The following FRMD4A variants were observed in gnomAD, a reference collection of about 807,000 sequenced individuals.
FRMD4A encodes FERM domain-containing protein 4A.
Under a neutral mutation model 129.1 loss-of-function variants are expected in FRMD4A, and 29 were observed. That is an observed-to-expected ratio of 0.22 (90% CI 0.17 to 0.31). The LOEUF (loss-of-function observed/expected upper bound fraction) is 0.31. Among genes scored for constraint, FRMD4A ranks in the 10% least tolerant of loss-of-function variants. The pLI is 1.00. For synonymous variants in FRMD4A, 634 were observed against 571.6 expected (o/e 1.11, Z -1.56); for missense variants, 1,272 against 1,375.8 (o/e 0.92, Z 1.19).
chr10:13,950,566 G>C (rs1012035877), intron 2 of FRMD4A, among the ~76,000 whole-genome samples: 1 of 152,172 alleles, frequency 6.6e-6, no homozygotes, highest in Non-Finnish European at 1.5e-5. Context: ...AACAGAAGGA[G>C]CAAGTGAGGT....
chr10:14,244,435 T>C (rs1844161293), intron 2 of FRMD4A, among the ~76,000 whole-genome samples: 1 of 152,230 alleles, frequency 6.6e-6, no homozygotes, highest in African/African-American at 2.4e-5. Context: ...ATCCCAGCAA[T>C]CTATGCGGAT....
intron 4 of FRMD4A, among the ~76,000 whole-genome samples, chr10:13,798,184 G>A (rs2093164930): frequency 6.6e-6 from 1 of 151,598 alleles, no homozygotes; most frequent in Non-Finnish European, 1.5e-5. Context: ...GCGAAGGCGA[G>A]CGGATCACTT....
Position 13,644,657 on chromosome 10 carries a change from C to T in FRMD4A, c.*2381G>A, listed in dbSNP as rs1044478912. 6.6e-6 allele frequency: 1 copy of T among 152,226 alleles called. No individual in the cohort carries two copies. The highest frequency in any genetic ancestry group is 2.4e-5 in the African/African-American group (1 of 41,452). The allele number at this position is 152,226 out of a possible 1,614,324, so 9.4% of individuals were successfully genotyped here. On this transcript the variant is annotated 3_prime_UTR_variant, in exon 25 of 25. Transcript: ENST00000357447. ...TCAAGCTACTATGCATGATGTAGAA[C>T]ATGTAACCATGTAACCTCATCAGCT...
At chr10:13,910,028 G>C (rs929896026) in intron 2 of FRMD4A, among the ~76,000 whole-genome samples, 3 of 152,238 alleles carry the variant, frequency 2.0e-5, no homozygotes, top group Non-Finnish European at 4.4e-5. Flanking sequence ...GAAATATGTT[G>C]TGAAACATTG....
At chr10:14,307,493 T>C (rs1210825686) in intron 2 of FRMD4A, among the ~76,000 whole-genome samples, 1 of 152,228 alleles carries the variant, frequency 6.6e-6, no homozygotes, top group Non-Finnish European at 1.5e-5. Context: ...GTTTATTCTC[T>C]TTTTAATTCC....
intron 2 of FRMD4A, among the ~76,000 whole-genome samples, chr10:14,154,793 C>T (rs777612080): frequency 2.0e-5 from 3 of 152,130 alleles, no homozygotes; most frequent in Non-Finnish European, 4.4e-5. Context: ...TTTTTCCTAC[C>T]CAACCTTCTG....
chr10:13,698,033 G>A (rs1459956827), intron 14 of FRMD4A, among the ~76,000 whole-genome samples: 2 of 144,634 alleles, frequency 1.4e-5, no homozygotes, highest in African/African-American at 2.5e-5. Flanking sequence ...GCCTCCCTCC[G>A]CCCTGTCTTA....
rs577961401 is a variant in FRMD4A at position 13,814,484 on chromosome 10, G to C, written c.112-3576C>G. Among the ~76,000 whole-genome samples the C allele has an allele frequency of 1.4e-4, 20 of 146,782 alleles. No individual in the cohort carries two copies. The Admixed American group carries it at 1.4e-3, about 10-fold the overall frequency. ...TAGTCCTAGCTATTCAGGAAGCTCA[G>C]ACCGGAGGATTGCTTGAGTCCAGGA... On this transcript the variant is annotated intron_variant, in intron 3 of 24. Transcript: ENST00000357447.
intron 2 of FRMD4A, among the ~76,000 whole-genome samples, chr10:14,238,717 T>C (rs149759766): frequency 1.3e-5 from 2 of 152,240 alleles, no homozygotes; most frequent in East Asian, 1.9e-4. Flanking sequence ...CGGTGTGTGA[T>C]GTTCCCCTCC....
chr10:14,115,948 C>T (rs1838176491), intron 2 of FRMD4A, among the ~76,000 whole-genome samples: 1 of 152,236 alleles, frequency 6.6e-6, no homozygotes, highest in African/African-American at 2.4e-5. Flanking sequence ...CCTTAACTAT[C>T]AGCATTGCTG....
intron 12 of FRMD4A, among the ~76,000 whole-genome samples, chr10:13,715,059 A>C (rs957634589): frequency 6.6e-6 from 1 of 152,174 alleles, no homozygotes; most frequent in Non-Finnish European, 1.5e-5. Flanking sequence ...AATTAAAAAA[A>C]AAAATTAGAA....
Position 13,852,388 on chromosome 10 carries a change from C to T in FRMD4A, c.111+6459G>A, listed in dbSNP as rs149884269. 0.018 allele frequency among the ~76,000 whole-genome samples: 2,664 copies of T among 151,982 alleles called. 134 individuals carry two copies. In the East Asian group the frequency reaches 0.18, roughly 10 times the overall value. On this transcript the variant is annotated intron_variant, in intron 3 of 24. Coordinates refer to ENST00000357447, the MANE Select transcript of FRMD4A (RefSeq NM_018027.5). ...CCTCCCGAGTAGCTGGGACTACAGG[C>T]GCACGCCACCATGCCTGGTAGAGAC...
chr10:13,850,477 C>T (rs1388239669), intron 3 of FRMD4A, among the ~76,000 whole-genome samples: 4 of 152,244 alleles, frequency 2.6e-5, no homozygotes, highest in East Asian at 1.9e-4. Flanking sequence ...CCTGCTAGCC[C>T]GAGACTTACG....
At chr10:13,790,349 G>A (rs1045549447) in intron 5 of FRMD4A, among the ~76,000 whole-genome samples, 4 of 152,194 alleles carry the variant, frequency 2.6e-5, no homozygotes, top group Non-Finnish European at 4.4e-5. Context: ...CCTGGAGCTC[G>A]GGAGAGAGGT....
chr10:13,812,041 C>T (rs1467525314), intron 3 of FRMD4A, among the ~76,000 whole-genome samples: 2 of 152,070 alleles, frequency 1.3e-5, no homozygotes, highest in African/African-American at 2.4e-5. Context: ...TGCCACCATG[C>T]CCAACGAATT....
chr10:13,907,964 A>G (rs2094899603), intron 2 of FRMD4A, among the ~76,000 whole-genome samples: 1 of 151,708 alleles, frequency 6.6e-6, no homozygotes. Flanking sequence ...TCAGGAGTTC[A>G]CGACCAGCCT....
At chr10:13,709,728 G>A (rs2087823239) in intron 12 of FRMD4A, among the ~76,000 whole-genome samples, 1 of 152,218 alleles carries the variant, frequency 6.6e-6, no homozygotes, top group African/African-American at 2.4e-5. Flanking sequence ...GTCTTGAACA[G>A]GATCGGCCTT....
chr10:13,654,056 C>G (rs950111841), intron 23 of FRMD4A: 2 of 440,030 alleles, frequency 4.5e-6, no homozygotes, highest in Non-Finnish European at 8.0e-6. Flanking sequence ...TCTCTTTCTC[C>G]CCCTGACATT....
chr10:13,866,598 T>C (rs1252617161), intron 2 of FRMD4A, among the ~76,000 whole-genome samples: 1 of 152,184 alleles, frequency 6.6e-6, no homozygotes, highest in Non-Finnish European at 1.5e-5. Context: ...GATGAATGAA[T>C]GTCACGCAGT....
Sources: allele counts gnomAD v4.1 joint callset (sites outside exome capture counted in the v4.1 genomes callset), GRCh38; gene constraint gnomAD v4.1.1; transcripts MANE v1.5; gene names NCBI Gene and HGNC (gene_info 2026-07-23, HGNC 2026-07-21).